Variants in GAREM1 observed in about 807,000 individuals in gnomAD.
GAREM1 encodes GRB2-associated and regulator of MAPK protein 1.
A neutral mutation model predicts 71.3 loss-of-function variants in GAREM1; 26 were observed. The ratio of observed to expected loss-of-function variants is 0.36; its 90% CI spans 0.27 to 0.51. The LOEUF (loss-of-function observed/expected upper bound fraction) is 0.51, where lower values mean the gene tolerates loss of function less well. GAREM1 is among the 20% of genes least tolerant of loss of function. GAREM1 has a pLI of 0.95. For synonymous variants in GAREM1, 440 were observed against 433.2 expected, an observed-to-expected ratio of 1.02 and a Z score of -0.20; for missense variants, 1,026 against 1,103.1, an observed-to-expected ratio of 0.93 and a Z score of 0.99.
At chr18:32,457,222 AGAGAGTGTGTGT>A (rs1305774156) in intron 1 of GAREM1, among the ~76,000 whole-genome samples, 28 of 84,240 alleles carry the variant, frequency 3.3e-4, no homozygotes, top group African/African-American at 1.3e-3. Flanking sequence ...AGAGAGAGAG[AGAGAGTGTGTGT>A]GTGTGTGTGT....
Position 32,371,745 on chromosome 18 carries a change from C to T in GAREM1, c.262+21150G>A, listed in dbSNP as rs544044382. 8.6e-5 allele frequency among the ~76,000 whole-genome samples: 13 copies of T among 152,024 alleles called. No homozygotes were observed. In the South Asian group the frequency reaches 1.5e-3, roughly 17 times the overall value. On this transcript the variant is annotated intron_variant, in intron 2 of 5. Transcript: ENST00000269209. ...CCAAGTACCACAAGGAGGGTGGCAC[C>T]GAGGGCAGGAGAGCTCAGAGGAAAA...
intron 3 of GAREM1, among the ~76,000 whole-genome samples, chr18:32,305,574 C>G (rs2047245760): frequency 2.0e-5 from 3 of 152,194 alleles, no homozygotes; most frequent in South Asian, 4.1e-4. Flanking sequence ...GGCTGGAGTA[C>G]AGTGGCGCGA....
chr18:32,268,909 G>T (rs2041416543), intron 5 of GAREM1, 141 bp from the exon 6 acceptor site: 9 of 561,248 alleles, frequency 1.6e-5, no homozygotes, highest in South Asian at 7.7e-5. Context: ...ACTTCACTGG[G>T]TTTTTTTTTT....
intron 1 of GAREM1, among the ~76,000 whole-genome samples, chr18:32,443,084 T>C (rs1305603800): frequency 6.6e-6 from 1 of 152,066 alleles, no homozygotes; most frequent in Non-Finnish European, 1.5e-5. Context: ...ACACCGAAGA[T>C]AAAACAGCTA....
intron 1 of GAREM1, among the ~76,000 whole-genome samples, chr18:32,410,514 T>C (rs2048406219): frequency 6.6e-6 from 1 of 152,094 alleles, no homozygotes; most frequent in African/African-American, 2.4e-5. Context: ...CACTGGATAA[T>C]GTTTTTTATT....
At chr18:32,345,176 G>A (rs1392575548) in intron 2 of GAREM1, among the ~76,000 whole-genome samples, 1 of 152,184 alleles carries the variant, frequency 6.6e-6, no homozygotes, top group Non-Finnish European at 1.5e-5. Flanking sequence ...TACAGGCATA[G>A]TACAGTTAGC....
At chr18:32,405,473 C>G (rs1567998313) in intron 1 of GAREM1, among the ~76,000 whole-genome samples, 1 of 152,186 alleles carries the variant, frequency 6.6e-6, no homozygotes, top group Admixed American at 6.5e-5. Flanking sequence ...GCTGGGATTA[C>G]AGGCTTGGGC....
chr18:32,291,760 C>T (rs1401313888), intron 3 of GAREM1, among the ~76,000 whole-genome samples: 2 of 151,652 alleles, frequency 1.3e-5, no homozygotes, highest in Non-Finnish European at 2.9e-5. Context: ...TCTGTTCCTG[C>T]GTTAATTTGC....
intron 4 of GAREM1, among the ~76,000 whole-genome samples, chr18:32,278,719 T>C (rs1323856574): frequency 6.6e-6 from 1 of 151,864 alleles, no homozygotes; most frequent in African/African-American, 2.4e-5. Context: ...ACAGAGTTCA[T>C]AACCCTGTCA....
chr18:32,266,051 G>T lies in GAREM1; in HGVS notation c.*1820C>A, dbSNP rs1210887596. The T allele has an allele frequency of 6.6e-6, 1 of 152,008 alleles. No individual in the cohort carries two copies. The highest frequency in any genetic ancestry group is 1.5e-5 in the Non-Finnish European group (1 of 68,018). 9.4% of individuals were successfully genotyped at this position (152,008 alleles called of 1,614,324 possible). ...CTGTGACTTTTGAAGAGGTGCTCCAGTGTGAGAATTTTACAGGGTACTCTT... is the reference window on the plus strand; with the variant it reads ...CTGTGACTTTTGAAGAGGTGCTCCATTGTGAGAATTTTACAGGGTACTCTT... On this transcript the variant is annotated 3_prime_UTR_variant, in exon 6 of 6. Coordinates refer to ENST00000269209, the MANE Select transcript of GAREM1 (RefSeq NM_001242409.2).
intron 2 of GAREM1, among the ~76,000 whole-genome samples, chr18:32,378,738 C>A (rs910961411): frequency 1.3e-5 from 2 of 152,128 alleles, no homozygotes; most frequent in African/African-American, 4.8e-5. Flanking sequence ...TTTCTCATAT[C>A]CAAGAGTGTG....
chr18:32,391,515 A>G (rs1160664449), intron 2 of GAREM1, among the ~76,000 whole-genome samples: 1 of 152,210 alleles, frequency 6.6e-6, no homozygotes, highest in Non-Finnish European at 1.5e-5. Flanking sequence ...AGATTAGGTA[A>G]AAGTATATAG....
chr18:32,395,981 C>G (rs2048251868), intron 1 of GAREM1, among the ~76,000 whole-genome samples: 1 of 152,222 alleles, frequency 6.6e-6, no homozygotes, highest in African/African-American at 2.4e-5. Flanking sequence ...GAGGAACAAT[C>G]AGGCAGCAAC....
chr18:32,326,588 G>A (rs1209090249), intron 2 of GAREM1, among the ~76,000 whole-genome samples: 1 of 152,222 alleles, frequency 6.6e-6, no homozygotes. Flanking sequence ...GAATGAGTAT[G>A]CTTTCAAACA....
chr18:32,305,142 A>C (rs2047240906), intron 3 of GAREM1, among the ~76,000 whole-genome samples: 1 of 152,208 alleles, frequency 6.6e-6, no homozygotes, highest in Admixed American at 6.5e-5. Flanking sequence ...TAAAGAAAAA[A>C]AAAGTGAAAG....
intron 1 of GAREM1, among the ~76,000 whole-genome samples, chr18:32,400,390 T>C (rs987733614): frequency 3.9e-5 from 6 of 152,216 alleles, no homozygotes; most frequent in African/African-American, 9.6e-5. Context: ...ATAGGCAACC[T>C]ACAGAATGGG....
At chr18:32,269,126 C>A (rs372865873) in intron 5 of GAREM1, among the ~76,000 whole-genome samples, 1 of 152,040 alleles carries the variant, frequency 6.6e-6, no homozygotes, top group African/African-American at 2.4e-5. Context: ...CTGCAGTGAG[C>A]GAGGGTAGAA....
intron 1 of GAREM1, among the ~76,000 whole-genome samples, chr18:32,456,327 A>G (rs1172318986): frequency 6.6e-6 from 1 of 152,122 alleles, no homozygotes; most frequent in African/African-American, 2.4e-5. Flanking sequence ...TGGTGAACAT[A>G]TATATAAAAA....
Position 32,265,844 on chromosome 18 carries a change from C to T in GAREM1, c.*2027G>A, listed in dbSNP as rs1358491268. The T allele has an allele frequency of 1.3e-5, 2 of 152,140 alleles. No homozygotes were observed. The highest frequency in any genetic ancestry group is 2.9e-5 in the Non-Finnish European group (2 of 68,026). 9.4% of individuals were successfully genotyped at this position (152,140 alleles called of 1,614,324 possible). On this transcript the variant is annotated 3_prime_UTR_variant, in exon 6 of 6. Transcript: ENST00000269209. ...TTAAAACGGATTCAGCTAGGTTTGCCAATGAAAACTTGCAGCTTAGTAACT... is the reference window on the plus strand; with the variant it reads ...TTAAAACGGATTCAGCTAGGTTTGCTAATGAAAACTTGCAGCTTAGTAACT...
Sources: allele counts gnomAD v4.1 joint callset (sites outside exome capture counted in the v4.1 genomes callset), GRCh38; gene constraint gnomAD v4.1.1; transcripts MANE v1.5; gene names NCBI Gene and HGNC (gene_info 2026-07-23, HGNC 2026-07-21).